TAFA1: variants seen among roughly 807,000 people sequenced by gnomAD.
TAFA1 encodes TAFA chemokine like family member 1, also known as chemokine-like protein TAFA-1.
Under a neutral mutation model 18.5 loss-of-function variants are expected in TAFA1, and 4 were observed. The observed-to-expected ratio is 0.22, with a 90% CI of 0.11 to 0.49. TAFA1 has a LOEUF of 0.49. TAFA1 is among the 20% of genes least tolerant of loss of function. TAFA1 has a pLI of 0.98. For missense variants in TAFA1, 147 were observed against 169.0 expected (o/e 0.87, Z 0.72); for synonymous variants, 56 against 55.2 (o/e 1.01, Z -0.06).
intron 2 of TAFA1, among the ~76,000 whole-genome samples, chr3:68,202,517 CT>C (rs551829301): frequency 3.3e-5 from 5 of 151,648 alleles, no homozygotes; most frequent in Non-Finnish European, 7.4e-5. Context: ...CTTTAGCACG[CT>C]ATACTAAAGA....
At chr3:68,323,789 A>G (rs76864001) in intron 2 of TAFA1, among the ~76,000 whole-genome samples, 3,245 of 152,278 alleles carry the variant, frequency 0.021, 107 homozygotes, top group African/African-American at 0.073. Flanking sequence ...CAGATTTACT[A>G]TGAAACATAT....
intron 2 of TAFA1, among the ~76,000 whole-genome samples, chr3:68,214,721 A>C (rs899805117): frequency 2.0e-5 from 3 of 152,062 alleles, no homozygotes; most frequent in African/African-American, 7.2e-5. Flanking sequence ...GAGCTCACAA[A>C]ATGTTAACAG....
At chr3:68,170,726 C>T (rs2066041972) in intron 2 of TAFA1, among the ~76,000 whole-genome samples, 1 of 152,104 alleles carries the variant, frequency 6.6e-6, no homozygotes, top group African/African-American at 2.4e-5. Flanking sequence ...CTCATAAACA[C>T]ACAGCCCCTC....
intron 2 of TAFA1, among the ~76,000 whole-genome samples, chr3:68,137,009 A>G (rs2065615982): frequency 6.6e-6 from 1 of 152,224 alleles, no homozygotes; most frequent in South Asian, 2.1e-4. Context: ...TTTCAAGAAT[A>G]TAAGTTTTTA....
intron 2 of TAFA1, among the ~76,000 whole-genome samples, chr3:68,086,108 C>T (rs1179089609): frequency 6.6e-6 from 1 of 152,192 alleles, no homozygotes. Context: ...CAGTTATTAA[C>T]CAAGCATCTG....
intron 2 of TAFA1, among the ~76,000 whole-genome samples, chr3:68,085,779 G>C (rs969030610): frequency 6.6e-6 from 1 of 152,280 alleles, no homozygotes; most frequent in Non-Finnish European, 1.5e-5. Flanking sequence ...TTCTTTAGCT[G>C]AGTGGGTTTT....
intron 2 of TAFA1, among the ~76,000 whole-genome samples, chr3:68,230,957 A>G (rs2066863515): frequency 6.6e-6 from 1 of 152,178 alleles, no homozygotes; most frequent in Non-Finnish European, 1.5e-5. Context: ...CATTTTTCAA[A>G]CAGATAAATA....
chr3:68,495,973 G>T (rs1963646), intron 3 of TAFA1, among the ~76,000 whole-genome samples: 26,168 of 129,974 alleles, frequency 0.2, 2,559 homozygotes, highest in Non-Finnish European at 0.21. Flanking sequence ...AAATAACAAC[G>T]ATAGTGAACC....
At chr3:68,359,852 A>G (rs1191478337) in intron 2 of TAFA1, among the ~76,000 whole-genome samples, 1 of 151,994 alleles carries the variant, frequency 6.6e-6, no homozygotes, top group African/African-American at 2.4e-5. Flanking sequence ...CCACTTTTCT[A>G]GTTTTATAAG....
chr3:68,454,941 A>C (rs972118646), intron 3 of TAFA1, among the ~76,000 whole-genome samples: 2 of 152,084 alleles, frequency 1.3e-5, no homozygotes, highest in Admixed American at 1.3e-4. Context: ...ACAGTCAAAA[A>C]TCCATCTATA....
chr3:68,100,145 T>C (rs2065131762), intron 2 of TAFA1, among the ~76,000 whole-genome samples: 1 of 151,824 alleles, frequency 6.6e-6, no homozygotes, highest in South Asian at 2.1e-4. Flanking sequence ...TCCCTGAATA[T>C]AAAATAAAAA....
At chr3:68,337,057 C>T (rs2068982451) in intron 2 of TAFA1, among the ~76,000 whole-genome samples, 1 of 152,132 alleles carries the variant, frequency 6.6e-6, no homozygotes, top group African/African-American at 2.4e-5. Flanking sequence ...TGGAGTATTA[C>T]CCCCTTTTCC....
chr3:68,094,409 G>T (rs962487534), intron 2 of TAFA1, among the ~76,000 whole-genome samples: 3 of 152,090 alleles, frequency 2.0e-5, no homozygotes, highest in Non-Finnish European at 4.4e-5. Context: ...ATTCCCGGAG[G>T]TATCTCCAGT....
chr3:68,066,362 A>G (rs181247050), intron 2 of TAFA1, among the ~76,000 whole-genome samples: 204 of 152,304 alleles, frequency 1.3e-3, no homozygotes, highest in Non-Finnish European at 1.7e-3. Context: ...TGCTTGGCAC[A>G]TAGTAGGAGC....
At chr3:68,239,821 C>A (rs2066974112) in intron 2 of TAFA1, among the ~76,000 whole-genome samples, 1 of 152,112 alleles carries the variant, frequency 6.6e-6, no homozygotes, top group African/African-American at 2.4e-5. Flanking sequence ...CCCCCATGTC[C>A]CTGTAACAAC....
chr3:68,365,510 G>A (rs2069549689), intron 2 of TAFA1, among the ~76,000 whole-genome samples: 1 of 152,164 alleles, frequency 6.6e-6, no homozygotes, highest in Non-Finnish European at 1.5e-5. Flanking sequence ...CAATGAGAAG[G>A]ATGAGGAGTT....
chr3:68,458,803 A>G (rs2071716745), intron 3 of TAFA1, among the ~76,000 whole-genome samples: 1 of 144,530 alleles, frequency 6.9e-6, no homozygotes, highest in African/African-American at 2.6e-5. Flanking sequence ...TTTTTTTTTA[A>G]ACTGTATCAC....
At chr3:68,169,551 A>G (rs775876580) in intron 2 of TAFA1, among the ~76,000 whole-genome samples, 34 of 152,262 alleles carry the variant, frequency 2.2e-4, no homozygotes, top group Non-Finnish European at 3.5e-4. Context: ...AACAAATGAT[A>G]ATCATTGCTT....
intron 3 of TAFA1, among the ~76,000 whole-genome samples, chr3:68,440,589 T>C (rs1481514268): frequency 1.3e-5 from 2 of 152,180 alleles, no homozygotes; most frequent in East Asian, 3.9e-4. Context: ...CTGTATTCCC[T>C]TTGCCTTCAG....
Sources: gnomAD v4.1 joint callset for allele counts (sites outside exome capture counted in the v4.1 genomes callset) on GRCh38, gnomAD v4.1.1 for gene constraint, MANE v1.5 for transcripts, NCBI Gene and HGNC (gene_info 2026-07-23, HGNC 2026-07-21) for gene names.